CSMD2: variants seen among roughly 807,000 people sequenced by gnomAD.
CSMD2 encodes CUB and sushi domain-containing protein 2.
CSMD2 carries 130 observed loss-of-function variants against 398.5 expected under a neutral mutation model. The observed-to-expected ratio is 0.33, with a 90% CI of 0.28 to 0.38. The LOEUF (loss-of-function observed/expected upper bound fraction) is 0.38, where lower values mean the gene tolerates loss of function less well. Among genes scored for constraint, CSMD2 ranks in the 10% least tolerant of loss-of-function variants. CSMD2 has a pLI of 1.00. For missense variants in CSMD2, 3,829 were observed against 4,764.9 expected (o/e 0.80, Z 5.78); for synonymous variants, 1,828 against 1,908.5 (o/e 0.96, Z 1.10).
At chr1:33,758,635 T>C (rs999021443) in intron 13 of CSMD2, among the ~76,000 whole-genome samples, 8 of 152,240 alleles carry the variant, frequency 5.3e-5, no homozygotes, top group Non-Finnish European at 1.0e-4. Context: ...TCACTTATTA[T>C]GGTAGATCAT....
Position 33,739,326 on chromosome 1 carries a change from G to T in CSMD2, c.2182C>A (p.His728Asn). The T allele has an allele frequency of 6.2e-7, 1 of 1,612,716 alleles. No individual in the cohort carries two copies. The highest frequency in any genetic ancestry group is 8.5e-7 in the Non-Finnish European group (1 of 1,179,254). ...GFNITFTTFR[H>N]NECPDPGVPV... is the part of the protein sequence containing the mutation. Reference sequence around the variant, plus strand: ...ACGCCAGGATCCGGGCACTCGTTGTGTCGGAAGGCTGTGTAGATGGAGTTC... The same window carrying T: ...ACGCCAGGATCCGGGCACTCGTTGTTTCGGAAGGCTGTGTAGATGGAGTTC... Residue 728 changes from histidine to asparagine, a missense_variant, in exon 15 of 71, where the codon CAC becomes AAC. By Grantham distance (68) the His-to-Asn change is moderately conservative (BLOSUM62 1). Coordinates refer to ENST00000373381, the MANE Select transcript of CSMD2 (RefSeq NM_001281956.2).
At position 33,540,593 on chromosome 1, in the gene CSMD2, A is replaced by G; in HGVS notation, c.9563T>C (p.Leu3188Pro). The part of the protein sequence containing the change: ...VTYACLEGYQ[L>P]SLPAVFTCEG... ...ACAGGTGAACACCGCGGGCAGGGAG[A>G]GCTGGTACCCCTCCAGGCAGGCATA... Residue 3188 changes from leucine to proline, a missense_variant, in exon 60 of 71, where the codon CTC becomes CCC. Leu to Pro is a moderately conservative substitution (Grantham distance 98, BLOSUM62 -3). This residue lies in a region of CSMD2 where 917 missense variants were observed against 1,199.5 expected (regional missense o/e 0.76). Transcript: ENST00000373381. 2 of 1,614,130 alleles carry G rather than the reference A, an allele frequency of 1.2e-6. No homozygotes were observed. The highest frequency in any genetic ancestry group is 1.1e-5 in the South Asian group (1 of 91,074).
chr1:33,755,804 TCTGA>T (rs537244730), intron 13 of CSMD2, among the ~76,000 whole-genome samples: 283 of 151,700 alleles, frequency 1.9e-3, no homozygotes, highest in African/African-American at 5.4e-3. Flanking sequence ...TGCCACTATG[TCTGA>T]CTAATTATTT....
intron 1 of CSMD2, among the ~76,000 whole-genome samples, chr1:34,099,759 G>A (rs1020417080): frequency 1.3e-5 from 2 of 152,222 alleles, no homozygotes; most frequent in Non-Finnish European, 1.5e-5. Context: ...AGGTCACTCT[G>A]TCTGGTGTCT....
At chr1:33,880,779 A>G (rs1237417046) in intron 5 of CSMD2, among the ~76,000 whole-genome samples, 2 of 152,222 alleles carry the variant, frequency 1.3e-5, no homozygotes, top group African/African-American at 4.8e-5. Context: ...AATTTTGCAG[A>G]ATATCCTCTT....
intron 3 of CSMD2, among the ~76,000 whole-genome samples, chr1:33,951,634 C>A (rs542186338): frequency 1.3e-5 from 2 of 152,218 alleles, no homozygotes; most frequent in Non-Finnish European, 2.9e-5. Context: ...CCAATCCTCG[C>A]TCCAACACTC....
chr1:33,652,449 C>A lies in CSMD2; in HGVS notation c.4460G>T (p.Gly1487Val), dbSNP rs773010391. ...SPPTCIAPCG[G>V]DLTGPSGVIL... Reference sequence around the variant, plus strand: ...GACTCCAGATGGTCCTGTCAGGTCTCCCCCGCAGGGAGCTGAGGAGAGAAG... The same window carrying A: ...GACTCCAGATGGTCCTGTCAGGTCTACCCCGCAGGGAGCTGAGGAGAGAAG... Residue 1487 changes from glycine (G) to valine (V), a missense_variant, in exon 28 of 71, where the codon GGA becomes GTA. This residue lies in a region of CSMD2 where 2,001 missense variants were observed against 2,567.1 expected (regional missense o/e 0.78). Transcript: ENST00000373381. 1.9e-6 allele frequency: 3 copies of A among 1,614,052 alleles called. No individual in the cohort carries two copies. In the Admixed American group the frequency reaches 5.0e-5, roughly 27 times the overall value.
At chr1:34,125,808 G>C (rs544657875) in intron 1 of CSMD2, among the ~76,000 whole-genome samples, 1 of 152,250 alleles carries the variant, frequency 6.6e-6, no homozygotes, top group South Asian at 2.1e-4. Flanking sequence ...CTGTCTTCTG[G>C]AAGGAATTTC....
chr1:33,842,353 G>C (rs974358178), intron 6 of CSMD2, among the ~76,000 whole-genome samples: 1 of 152,152 alleles, frequency 6.6e-6, no homozygotes, highest in Non-Finnish European at 1.5e-5. Context: ...CTAGGGCAAA[G>C]ATCTTCCTAA....
chr1:33,768,768 C>T lies in CSMD2; in HGVS notation c.1846+3801G>A, dbSNP rs549079546. ...TCTTCTGGGACATTTTCCCTGAGCACCCAAGGATCCAATTTTCCCTCCCTT... is the reference window on the plus strand; with the variant it reads ...TCTTCTGGGACATTTTCCCTGAGCATCCAAGGATCCAATTTTCCCTCCCTT... On this transcript the variant is annotated intron_variant, in intron 13 of 70. Coordinates refer to ENST00000373381, the MANE Select transcript of CSMD2 (RefSeq NM_001281956.2). Among the ~76,000 whole-genome samples, 134 of 152,156 alleles carry T rather than the reference C, an allele frequency of 8.8e-4. 1 individual carries two copies. The highest frequency in any genetic ancestry group is 1.6e-3 in the Admixed American group (25 of 15,260).
intron 25 of CSMD2, among the ~76,000 whole-genome samples, chr1:33,691,323 A>C (rs1049242836): frequency 2.0e-5 from 3 of 152,190 alleles, no homozygotes; most frequent in Non-Finnish European, 4.4e-5. Context: ...TTGATCAGGT[A>C]TGCTTTCAGA....
At position 34,111,982 on chromosome 1, in the gene CSMD2, TTCTC is replaced by T. The variant is rs6143186; in HGVS notation, c.188-22793_188-22790del. On this transcript the variant is annotated intron_variant, in intron 1 of 70. Transcript: ENST00000373381. Reference sequence around the variant, plus strand: ...CCTTATTTCAATAAATTCTTTCAAATTCTCTCTCTCTCTCTCTCTCTCTCTCTCT... The same window carrying T: ...CCTTATTTCAATAAATTCTTTCAAATTCTCTCTCTCTCTCTCTCTCTCTCT... 8.5e-3 allele frequency among the ~76,000 whole-genome samples: 1,276 copies of T among 149,782 alleles called. 19 individuals carry two copies. The highest frequency in any genetic ancestry group is 0.029 in the African/African-American group (1,197 of 40,678).
At chr1:33,827,370 T>C (rs1336373207) in intron 6 of CSMD2, among the ~76,000 whole-genome samples, 1 of 152,224 alleles carries the variant, frequency 6.6e-6, no homozygotes, top group Non-Finnish European at 1.5e-5. Flanking sequence ...CTCTCTGATG[T>C]GCCTACAATA....
intron 3 of CSMD2, among the ~76,000 whole-genome samples, chr1:34,003,274 G>A (rs982843539): frequency 1.3e-5 from 2 of 152,158 alleles, no homozygotes; most frequent in Non-Finnish European, 2.9e-5. Flanking sequence ...GGTCTTTACA[G>A]TGGAATTGGA....
intron 56 of CSMD2, among the ~76,000 whole-genome samples, chr1:33,549,007 G>A (rs907362649): frequency 7.2e-5 from 11 of 152,198 alleles, no homozygotes; most frequent in Admixed American, 2.0e-4. Context: ...AAAGTCCTGG[G>A]TGGTCATATA....
chr1:33,783,589 T>C (rs1653113176), intron 12 of CSMD2, among the ~76,000 whole-genome samples: 1 of 152,026 alleles, frequency 6.6e-6, no homozygotes, highest in African/African-American at 2.4e-5. Flanking sequence ...TCCTTAACCT[T>C]GGATTTCCAG....
At chr1:33,611,728 C>T (rs1641020026) in intron 40 of CSMD2, among the ~76,000 whole-genome samples, 1 of 152,144 alleles carries the variant, frequency 6.6e-6, no homozygotes, top group Non-Finnish European at 1.5e-5. Flanking sequence ...CCCCTCTGTT[C>T]CATAAAGAAG....
At position 34,025,310 on chromosome 1, in the gene CSMD2, C is replaced by T. The variant is rs138457289; in HGVS notation, c.517+7284G>A. Among the ~76,000 whole-genome samples the T allele has an allele frequency of 8.2e-3, 1,255 of 152,262 alleles. 26 individuals are homozygous for T. The highest frequency in any genetic ancestry group is 0.063 in the South Asian group (304 of 4,820). The stretch of plus-strand genomic sequence containing the variant: ...CTAAGTGGAGCATGTCTTCTTTCTC[C>T]CTGCTCCCCTTTGGGAGGGGAGATA... On this transcript the variant is annotated intron_variant, in intron 3 of 70. Transcript: ENST00000373381.
At chr1:34,029,646 T>C (rs1272356896) in intron 3 of CSMD2, among the ~76,000 whole-genome samples, 1 of 152,208 alleles carries the variant, frequency 6.6e-6, no homozygotes, top group Non-Finnish European at 1.5e-5. Flanking sequence ...GGTGTCTGAC[T>C]CCTTTGTTAG....
Sources: allele counts gnomAD v4.1 joint callset (sites outside exome capture counted in the v4.1 genomes callset), GRCh38; gene constraint gnomAD v4.1.1; regional missense constraint gnomAD v4.1.1; transcripts MANE v1.5; gene names NCBI Gene and HGNC (gene_info 2026-07-23, HGNC 2026-07-21).